LDLRAD1: variants seen among roughly 807,000 people sequenced by gnomAD.
The protein encoded by LDLRAD1 is low-density lipoprotein receptor class A domain-containing protein 1.
Under a neutral mutation model 24.8 loss-of-function variants are expected in LDLRAD1, and 17 were observed. The ratio of observed to expected loss-of-function variants is 0.69; its 90% confidence interval spans 0.47 to 1.03. The LOEUF (loss-of-function observed/expected upper bound fraction) is 1.03. Ranked by LOEUF, LDLRAD1 falls within the 50% of genes least tolerant of loss-of-function variation. LDLRAD1 has a pLI of 0.00. For synonymous variants in LDLRAD1, 103 were observed against 108.2 expected (o/e 0.95, Z 0.30); for missense variants, 277 against 271.0 (o/e 1.02, Z -0.16).
rs1655916612 is a variant in LDLRAD1, at chr1:54,008,774, T to A, written c.*208A>T. On this transcript the variant is annotated 3_prime_UTR_variant, in exon 6 of 6. Transcript: ENST00000371360. ...CACATCATCTTTGTTAGAAGCCACC[T>A]AACATGGTAATGAGCTCCTGGTCAT... 1 of 511,452 alleles carries A rather than the reference T, an allele frequency of 2.0e-6. No homozygotes were observed. Among genetic ancestry groups the A allele is most frequent in the Admixed American group, 3.6e-5 (1 of 27,982 alleles). The allele number at this position is 511,452 out of a possible 1,614,324, so 31.7% of individuals were successfully genotyped here. A position where few individuals can be genotyped will look rare whatever the true frequency, so the allele number is the denominator to read the frequency against.
intron 2 of LDLRAD1, among the ~76,000 whole-genome samples, chr1:54,015,827 T>C (rs1029061037): frequency 1.1e-4 from 17 of 152,036 alleles, no homozygotes; most frequent in Non-Finnish European, 1.9e-4. Context: ...GGCTAATTTT[T>C]GTATTTTTAG....
At chr1:54,012,321 G>T in intron 3 of LDLRAD1, 41 bp from the exon 4 acceptor site, 1 of 1,610,548 alleles carries the variant, frequency 6.2e-7, no homozygotes. Context: ...CAAGGGTGGT[G>T]CTCACAAGGA....
chr1:54,012,081 A>T, intron 4 of LDLRAD1, 62 bp downstream of exon 4: 1 of 1,596,334 alleles, frequency 6.3e-7, no homozygotes, highest in Non-Finnish European at 8.5e-7. Flanking sequence ...TTCAGTATGG[A>T]TGCCAAGAGC....
chr1:54,016,326 A>G (rs1409263346), intron 2 of LDLRAD1, among the ~76,000 whole-genome samples: 1 of 152,144 alleles, frequency 6.6e-6, no homozygotes, highest in Non-Finnish European at 1.5e-5. Flanking sequence ...AAACAGGGTA[A>G]ACTCAGGTAA....
chr1:54,011,934 T>G (rs928062302), intron 4 of LDLRAD1, among the ~76,000 whole-genome samples: 1 of 151,874 alleles, frequency 6.6e-6, no homozygotes, highest in Non-Finnish European at 1.5e-5. Flanking sequence ...TCTCTGGGAG[T>G]GGAGACGCAC....
chr1:54,014,091 CTGTG>C, intron 3 of LDLRAD1, 141 bp downstream of exon 3: 1 of 840,042 alleles, frequency 1.2e-6, no homozygotes, highest in Non-Finnish European at 1.9e-6. Flanking sequence ...GTGCAGGTGT[CTGTG>C]TGTGTCTGTG....
chr1:54,017,587 G>A (rs865884257), intron 1 of LDLRAD1, among the ~76,000 whole-genome samples, 160 bp from the exon 2 acceptor site: 3 of 152,136 alleles, frequency 2.0e-5, no homozygotes, highest in East Asian at 3.9e-4. Flanking sequence ...CATCATGCCC[G>A]CTTCATATGT....
intron 5 of LDLRAD1, 98 bp from the exon 6 acceptor site, chr1:54,009,228 A>G (rs1655945638): frequency 3.4e-6 from 4 of 1,164,464 alleles, no homozygotes; most frequent in Non-Finnish European, 5.0e-6. Context: ...GTAGCTCCCC[A>G]TGGCCCCAAC....
At chr1:54,017,342 C>G in intron 2 of LDLRAD1, 34 bp downstream of exon 2, 2 of 1,567,512 alleles carry the variant, frequency 1.3e-6, no homozygotes, top group Non-Finnish European at 1.7e-6. Flanking sequence ...GGGAGCCCCA[C>G]AGGGCACTGG....
chr1:54,017,403 C>T lies in LDLRAD1; in HGVS notation c.46G>A (p.Glu16Lys). 1 of 1,603,814 alleles carries T rather than the reference C, an allele frequency of 6.2e-7. No individual in the cohort carries two copies. The highest frequency in any genetic ancestry group is 8.5e-7 in the Non-Finnish European group (1 of 1,174,738). ...TCCCCTCCAGGGTGGGCTTTGGATT[C>T]AGCAGCAGTGTAGCCATTCTCTCCC... ...PQGENGYTAA[E>K]SKAHPGGEAG... The change falls in exon 2 of 6, where the codon GAA (glutamate) becomes AAA (lysine). Residue 16 changes from glutamate to lysine, a missense_variant. Physicochemically the swap from Glu to Lys is moderately conservative, Grantham distance 56. Coordinates refer to ENST00000371360, the MANE Select transcript of LDLRAD1 (RefSeq NM_001010978.4).
rs1168132604 is a variant in LDLRAD1 at position 54,008,236 on chromosome 1, G to A, written c.*746C>T. On this transcript the variant is annotated 3_prime_UTR_variant, in exon 6 of 6. Coordinates refer to ENST00000371360, the MANE Select transcript of LDLRAD1 (RefSeq NM_001010978.4). Reference sequence around the variant, plus strand: ...CCAGATATCCTGTTTCATGTGCTGTGTCACTTGGTTAAATCAGTAGAGCCT... The same window carrying A: ...CCAGATATCCTGTTTCATGTGCTGTATCACTTGGTTAAATCAGTAGAGCCT... 1 of 152,218 alleles carries A rather than the reference G, an allele frequency of 6.6e-6. No homozygotes were observed. The highest frequency in any genetic ancestry group is 1.5e-5 in the Non-Finnish European group (1 of 68,060). 9.4% of individuals were successfully genotyped at this position (152,218 alleles called of 1,614,324 possible). A position where few individuals can be genotyped will look rare whatever the true frequency, so the allele number is the denominator to read the frequency against.
At chr1:54,015,768 G>A (rs983507166) in intron 2 of LDLRAD1, among the ~76,000 whole-genome samples, 4 of 151,190 alleles carry the variant, frequency 2.6e-5, no homozygotes, top group African/African-American at 9.8e-5. Flanking sequence ...CGATTCTCCT[G>A]CCTCAGCCTC....
Position 54,014,264 on chromosome 1 carries a change from G to C in LDLRAD1, c.174C>G (p.Thr58=). Residue 58 remains threonine (T), a synonymous_variant, in exon 3 of 6, where the codon ACC becomes ACG. Transcript: ENST00000371360. ...ATVAALIALV[T]ILGLPSCTPG... ...GGGTGCATGATGGGAGTCCAAGAATGGTGACCAAGGCGATGAGGGCCGCCA... is the reference window on the plus strand; with the variant it reads ...GGGTGCATGATGGGAGTCCAAGAATCGTGACCAAGGCGATGAGGGCCGCCA... 7 of 1,557,310 alleles carry C rather than the reference G, an allele frequency of 4.5e-6. No homozygotes were observed. Among genetic ancestry groups the C allele is most frequent in the Non-Finnish European group, 6.1e-6 (7 of 1,150,278 alleles).
Position 54,012,274 on chromosome 1 carries a change from T to C in LDLRAD1, c.209A>G (p.Gln70Arg). ...LGLPSCTPGA[Q>R]ACITLTNRTG... is the part of the protein sequence containing the mutation. The stretch of plus-strand genomic sequence containing the variant: ...CCTGTTTGTCAGTGTTATACAAGCT[T>C]GGGCTCCTGAATGGGCAGGGAAAGG... The change falls in exon 4 of 6, where the codon CAA becomes CGA. Residue 70 changes from glutamine to arginine, a missense_variant. Coordinates refer to ENST00000371360, the MANE Select transcript of LDLRAD1 (RefSeq NM_001010978.4). 3 of 1,614,096 alleles carry C rather than the reference T, an allele frequency of 1.9e-6. No homozygotes were observed. The highest frequency in any genetic ancestry group is 2.5e-6 in the Non-Finnish European group (3 of 1,179,976).
At chr1:54,009,491 C>A (rs1347218531) in intron 5 of LDLRAD1, among the ~76,000 whole-genome samples, 1 of 152,162 alleles carries the variant, frequency 6.6e-6, no homozygotes, top group Admixed American at 6.5e-5. Context: ...GTGCTCCTAG[C>A]CTTCTCTCCT....
intron 2 of LDLRAD1, 87 bp from the exon 3 acceptor site, chr1:54,014,451 G>T: frequency 7.8e-7 from 1 of 1,275,662 alleles, no homozygotes; most frequent in Non-Finnish European, 1.1e-6. Flanking sequence ...CCTGCCCGCT[G>T]CAAGCAGCCT....
At chr1:54,012,758 T>A (rs1326035607) in intron 3 of LDLRAD1, among the ~76,000 whole-genome samples, 1 of 152,076 alleles carries the variant, frequency 6.6e-6, no homozygotes, top group African/African-American at 2.4e-5. Context: ...ATGTCATAAT[T>A]CCTTCTATCT....
At position 54,012,294 on chromosome 1, in the gene LDLRAD1, G is replaced by A. The variant is rs748849460; in HGVS notation, c.203-14C>T. The A allele has an allele frequency of 1.9e-6, 3 of 1,613,944 alleles. No homozygotes were observed. The Admixed American group carries it at 5.0e-5, about 27-fold the overall frequency. ...AAGCTTGGGCTCCTGAATGGGCAGG[G>A]AAAGGCCCTGGAGGGTCAAGGGTGG... On this transcript the variant is annotated splice_polypyrimidine_tract_variant and intron_variant, in intron 3 of 5. Coordinates refer to ENST00000371360, the MANE Select transcript of LDLRAD1 (RefSeq NM_001010978.4).
In LDLRAD1 at chr1:54,008,879, T is replaced by TA; in HGVS notation, c.*102_*103insT. The TA allele has an allele frequency of 9.4e-7, 1 of 1,064,444 alleles. No individual in the cohort carries two copies. Among genetic ancestry groups the TA allele is most frequent in the Non-Finnish European group, 1.3e-6 (1 of 750,026 alleles). The allele number at this position is 1,064,444 out of a possible 1,614,324, so 65.9% of individuals were successfully genotyped here. On this transcript the variant is annotated 3_prime_UTR_variant, in exon 6 of 6. Coordinates refer to ENST00000371360, the MANE Select transcript of LDLRAD1 (RefSeq NM_001010978.4). The stretch of plus-strand genomic sequence containing the variant: ...TTCAGAAATGATGTGTAGATCCCAT[T>TA]TCAAAGGCTGCTTCCTGCCCTTGTG...
Sources: gnomAD v4.1 joint callset for allele counts (sites outside exome capture counted in the v4.1 genomes callset) on GRCh38, gnomAD v4.1.1 for gene constraint, MANE v1.5 for transcripts, NCBI Gene and HGNC (gene_info 2026-07-23, HGNC 2026-07-21) for gene names.